The following LYPD6 variants were observed in gnomAD, a reference collection of about 807,000 sequenced individuals.
LYPD6 encodes the protein LY6/PLAUR domain containing 6, also known as ly6/PLAUR domain-containing protein 6.
LYPD6 carries 15 observed loss-of-function variants against 22.7 expected under a neutral mutation model. That is an observed-to-expected ratio of 0.66 (90% confidence interval 0.44 to 1.02). The LOEUF (loss-of-function observed/expected upper bound fraction) is 1.02. LYPD6 is among the 50% of genes least tolerant of loss of function. The pLI, the probability that LYPD6 is intolerant of heterozygous loss-of-function variation, is 0.00. For synonymous variants in LYPD6, 72 were observed against 77.5 expected, an observed-to-expected ratio of 0.93 and a Z score of 0.37; for missense variants, 189 against 208.4, an observed-to-expected ratio of 0.91 and a Z score of 0.57.
chr2:149,417,479 G>T (rs974921775), intron 1 of LYPD6, among the ~76,000 whole-genome samples: 31 of 152,176 alleles, frequency 2.0e-4, no homozygotes, highest in African/African-American at 6.8e-4. Flanking sequence ...TAGGCCATAG[G>T]CATGATGAAG....
At chr2:149,485,583 C>A in the LYPD6 span, among the ~76,000 whole-genome samples, 1 of 152,148 alleles carries the variant, frequency 6.6e-6, no homozygotes, top group Non-Finnish European at 1.5e-5. Flanking sequence ...CTGGAATTCT[C>A]ACTCTCCAGG....
intron 1 of LYPD6, among the ~76,000 whole-genome samples, chr2:149,436,561 G>A (rs940575967): frequency 2.6e-5 from 4 of 152,064 alleles, no homozygotes; most frequent in Non-Finnish European, 5.9e-5. Context: ...GTGCTATAGC[G>A]ATAACACAAT....
intron 1 of LYPD6, among the ~76,000 whole-genome samples, chr2:149,426,822 A>C (rs1231511029): frequency 6.6e-6 from 1 of 152,192 alleles, no homozygotes; most frequent in Non-Finnish European, 1.5e-5. Flanking sequence ...TAAGCAGGGC[A>C]GTGCCAAAGA....
chr2:149,458,850 T>C (rs1420264846), intron 3 of LYPD6, among the ~76,000 whole-genome samples: 1 of 152,170 alleles, frequency 6.6e-6, no homozygotes, highest in Non-Finnish European at 1.5e-5. Flanking sequence ...GAATTAGTGA[T>C]GAATTTGGAA....
chr2:149,440,678 GT>G (rs1444538912), intron 2 of LYPD6, among the ~76,000 whole-genome samples: 1 of 139,566 alleles, frequency 7.2e-6, no homozygotes, highest in Non-Finnish European at 1.5e-5. Flanking sequence ...CCAGAACTTC[GT>G]TTATTCTGTC....
chr2:149,421,560 G>C (rs6434829), intron 1 of LYPD6, among the ~76,000 whole-genome samples: 44,478 of 151,814 alleles, frequency 0.29, 8,480 homozygotes, highest in African/African-American at 0.55. Flanking sequence ...TGAAGTTGCT[G>C]TTTTTGTAGG....
At chr2:149,452,214 A>T (rs1680842777) in intron 3 of LYPD6, among the ~76,000 whole-genome samples, 1 of 152,170 alleles carries the variant, frequency 6.6e-6, no homozygotes, top group Non-Finnish European at 1.5e-5. Context: ...GACCCAAAAT[A>T]GTGGAGCCAG....
chr2:149,401,620 T>G (rs933744953), intron 1 of LYPD6, among the ~76,000 whole-genome samples: 1 of 152,236 alleles, frequency 6.6e-6, no homozygotes, highest in Non-Finnish European at 1.5e-5. Context: ...ACTTTAGGAA[T>G]ATTACCTCAT....
At chr2:149,474,708 T>C (rs1681422060), downstream of LYPD6, among the ~76,000 whole-genome samples, 1 of 152,188 alleles carries the variant, frequency 6.6e-6, no homozygotes, top group Non-Finnish European at 1.5e-5. Context: ...AGGTGGACTG[T>C]GCTTTTAGAA....
At chr2:149,464,394 A>G (rs1448831644) in intron 3 of LYPD6, 4 of 241,374 alleles carry the variant, frequency 1.7e-5, no homozygotes, top group African/African-American at 4.8e-5. Context: ...TTCATCGTGC[A>G]TGGTCAAAAG....
At chr2:149,398,118 T>A (rs902466575) in intron 1 of LYPD6, among the ~76,000 whole-genome samples, 1 of 152,152 alleles carries the variant, frequency 6.6e-6, no homozygotes, top group African/African-American at 2.4e-5. Context: ...ATAGTTTGGA[T>A]TGATAGAAGT....
intron 1 of LYPD6, among the ~76,000 whole-genome samples, chr2:149,356,882 C>A (rs1030506367): frequency 6.6e-6 from 1 of 152,176 alleles, no homozygotes; most frequent in South Asian, 2.1e-4. Context: ...GTAGATAAAG[C>A]AATTTTGATT....
At chr2:149,378,232 C>T (rs1681974493) in intron 1 of LYPD6, among the ~76,000 whole-genome samples, 1 of 152,186 alleles carries the variant, frequency 6.6e-6, no homozygotes, top group Non-Finnish European at 1.5e-5. Flanking sequence ...ATCCTCCCAC[C>T]TCAGCCTCCT....
chr2:149,365,953 A>G (rs1681653634), intron 1 of LYPD6, among the ~76,000 whole-genome samples: 1 of 152,188 alleles, frequency 6.6e-6, no homozygotes, highest in African/African-American at 2.4e-5. Flanking sequence ...GAACATTCTG[A>G]TAGATCTTAT....
At chr2:149,461,095 A>G (rs1681077792) in intron 3 of LYPD6, among the ~76,000 whole-genome samples, 1 of 152,050 alleles carries the variant, frequency 6.6e-6, no homozygotes, top group Non-Finnish European at 1.5e-5. Flanking sequence ...CAAAAGTCAA[A>G]CAAAGCAAGA....
chr2:149,342,312 C>T (rs1270516475), intron 1 of LYPD6, among the ~76,000 whole-genome samples: 2 of 152,160 alleles, frequency 1.3e-5, no homozygotes, highest in Non-Finnish European at 2.9e-5. Flanking sequence ...AACACCCAAA[C>T]CATATCAGTG....
intron 1 of LYPD6, among the ~76,000 whole-genome samples, chr2:149,371,229 A>G (rs1681801598): frequency 6.6e-6 from 1 of 152,098 alleles, no homozygotes; most frequent in Admixed American, 6.6e-5. Context: ...CTTGCTCCCA[A>G]GTTTGTCAGC....
intron 1 of LYPD6, among the ~76,000 whole-genome samples, chr2:149,420,232 G>C (rs956414847): frequency 6.6e-6 from 1 of 152,206 alleles, no homozygotes; most frequent in African/African-American, 2.4e-5. Context: ...CTGCAAACGA[G>C]GACATTGAAC....
intron 1 of LYPD6, among the ~76,000 whole-genome samples, chr2:149,388,180 C>CT (rs907698162): frequency 0.11 from 4,528 of 42,966 alleles, 228 homozygotes; most frequent in African/African-American, 0.16. Flanking sequence ...CTCTCTCTCT[C>CT]TTTTTTTTTT....
Sources: allele counts gnomAD v4.1 joint callset (sites outside exome capture counted in the v4.1 genomes callset), GRCh38; gene constraint gnomAD v4.1.1; transcripts MANE v1.5; gene names NCBI Gene and HGNC (gene_info 2026-07-23, HGNC 2026-07-21).